The following RHOBTB1 variants were observed in gnomAD, a reference collection of about 807,000 sequenced individuals.
RHOBTB1 encodes the protein Rho related BTB domain containing 1, also known as rho-related BTB domain-containing protein 1.
RHOBTB1 carries 40 observed loss-of-function variants against 71.6 expected under a neutral mutation model. That is an observed-to-expected ratio of 0.56 (90% CI 0.43 to 0.73). The LOEUF (loss-of-function observed/expected upper bound fraction) is 0.73. RHOBTB1 is among the 30% of genes least tolerant of loss of function. The probability of loss-of-function intolerance (pLI) is 0.00; values close to 1 mark genes in which losing one functional copy is unlikely to be tolerated. For synonymous variants in RHOBTB1, 319 were observed against 334.9 expected (o/e 0.95, Z 0.52); for missense variants, 797 against 894.0 (o/e 0.89, Z 1.38).
intron 2 of RHOBTB1, among the ~76,000 whole-genome samples, chr10:60,976,069 A>C (rs1240642665): frequency 6.6e-6 from 1 of 152,044 alleles, no homozygotes; most frequent in Non-Finnish European, 1.5e-5. Context: ...TGATATATCC[A>C]ATTTAGAAGC....
chr10:60,861,857 G>A, the RHOBTB1 span, among the ~76,000 whole-genome samples: 3 of 152,142 alleles, frequency 2.0e-5, no homozygotes, highest in African/African-American at 7.2e-5. Flanking sequence ...AAGATCTAAT[G>A]GTCAATAAAA....
intron 2 of RHOBTB1, among the ~76,000 whole-genome samples, chr10:60,968,149 T>G (rs553516310): frequency 2.6e-5 from 4 of 152,202 alleles, no homozygotes; most frequent in African/African-American, 9.6e-5. Flanking sequence ...CCAATTCAAA[T>G]GTAGCTCCAT....
At chr10:60,957,499 G>C (rs971015516) in intron 2 of RHOBTB1, among the ~76,000 whole-genome samples, 1 of 152,082 alleles carries the variant, frequency 6.6e-6, no homozygotes, top group Non-Finnish European at 1.5e-5. Context: ...GTCTTCTGAG[G>C]GACTTAAATG....
intron 2 of RHOBTB1, among the ~76,000 whole-genome samples, chr10:60,912,336 C>T (rs553106073): frequency 1.7e-4 from 26 of 152,172 alleles, no homozygotes; most frequent in Admixed American, 5.2e-4. Flanking sequence ...TGGGTTCAAG[C>T]GATTCGCCTG....
intron 4 of RHOBTB1, among the ~76,000 whole-genome samples, chr10:60,903,374 A>G (rs2082501163): frequency 1.3e-5 from 2 of 152,178 alleles, no homozygotes; most frequent in African/African-American, 4.8e-5. Flanking sequence ...CCATGAGTCT[A>G]GTAACCAACC....
At chr10:60,889,500 G>A (rs1399917344) in intron 5 of RHOBTB1, among the ~76,000 whole-genome samples, 1 of 151,918 alleles carries the variant, frequency 6.6e-6, no homozygotes, top group African/African-American at 2.4e-5. Context: ...TCATTTCTTA[G>A]TTTATATAAA....
At chr10:60,960,668 G>A (rs2085747667) in intron 2 of RHOBTB1, among the ~76,000 whole-genome samples, 1 of 152,162 alleles carries the variant, frequency 6.6e-6, no homozygotes, top group African/African-American at 2.4e-5. Flanking sequence ...ATTTATGGGA[G>A]ATCATAATCC....
intron 2 of RHOBTB1, among the ~76,000 whole-genome samples, chr10:60,951,803 G>C (rs1466641599): frequency 6.6e-6 from 1 of 151,258 alleles, no homozygotes; most frequent in Non-Finnish European, 1.5e-5. Flanking sequence ...TGTTAATAAT[G>C]GTAAATGATT....
At chr10:60,886,719 G>GT (rs1396486870) in intron 6 of RHOBTB1, among the ~76,000 whole-genome samples, 27 of 140,494 alleles carry the variant, frequency 1.9e-4, no homozygotes, top group East Asian at 5.2e-4. Context: ...AAGAGATGTG[G>GT]GGGGGGGTGG....
At chr10:60,890,322 G>A (rs1174586303) in intron 5 of RHOBTB1, among the ~76,000 whole-genome samples, 1 of 151,960 alleles carries the variant, frequency 6.6e-6, no homozygotes, top group African/African-American at 2.4e-5. Flanking sequence ...TTAGTCCACA[G>A]TCCTCACTGC....
chr10:60,986,900 G>A (rs1460345477), intron 1 of RHOBTB1, among the ~76,000 whole-genome samples: 1 of 152,126 alleles, frequency 6.6e-6, no homozygotes. Context: ...AAAGACACAA[G>A]CAGCTTCCTT....
rs114352947 is a variant in RHOBTB1 at position 60,930,633 on chromosome 10, T to G, written c.-11+11171A>C. 2.0e-5 allele frequency among the ~76,000 whole-genome samples: 3 copies of G among 152,304 alleles called. 1 individual carries two copies. Among genetic ancestry groups the G allele is most frequent in the African/African-American group, 7.2e-5 (3 of 41,582 alleles). ...CTGATTCTTGGAAAGCTGTGAACCA[T>G]GTAGCTGCTTATGAATAGAGAGGCA... On this transcript the variant is annotated intron_variant, in intron 2 of 10. Coordinates refer to ENST00000337910, the MANE Select transcript of RHOBTB1 (RefSeq NM_014836.5).
At chr10:60,904,957 A>G (rs984641396) in intron 4 of RHOBTB1, among the ~76,000 whole-genome samples, 3 of 152,168 alleles carry the variant, frequency 2.0e-5, no homozygotes, top group Non-Finnish European at 4.4e-5. Context: ...GGTACCATAT[A>G]TTTAAAAGTG....
At chr10:60,924,985 A>G (rs982467352) in intron 2 of RHOBTB1, among the ~76,000 whole-genome samples, 1 of 152,222 alleles carries the variant, frequency 6.6e-6, no homozygotes, top group Non-Finnish European at 1.5e-5. Context: ...TGACGGGGAT[A>G]GATCACTCAT....
intron 2 of RHOBTB1, among the ~76,000 whole-genome samples, chr10:60,912,472 A>G (rs779003470): frequency 5.9e-5 from 9 of 152,020 alleles, no homozygotes; most frequent in Non-Finnish European, 1.0e-4. Context: ...ATCTCAAGTG[A>G]TCTCCCCACC....
At chr10:60,917,304 C>T (rs2083317380) in intron 2 of RHOBTB1, among the ~76,000 whole-genome samples, 1 of 152,124 alleles carries the variant, frequency 6.6e-6, no homozygotes, top group South Asian at 2.1e-4. Context: ...TTCTTTAAAA[C>T]CTTATTCAGA....
In RHOBTB1 at chr10:60,973,460, G is replaced by A. The variant is rs57689486; in HGVS notation, c.-62+12385C>T. On this transcript the variant is annotated intron_variant, in intron 2 of 11. Transcript: ENST00000357917. ...CTTAACAGCCTTCTTTTTTGTTGTT[G>A]TTTTTAATTAGCACTTCATTTCTGA... is the stretch of plus-strand genomic sequence containing the variant. Among the ~76,000 whole-genome samples the A allele has an allele frequency of 6.3e-4, 96 of 152,034 alleles. 1 individual carries two copies. In the East Asian group the frequency reaches 0.016, roughly 25 times the overall value.
At chr10:60,885,908 A>C (rs868669999) in intron 7 of RHOBTB1, among the ~76,000 whole-genome samples, 2 of 152,128 alleles carry the variant, frequency 1.3e-5, no homozygotes, top group South Asian at 2.1e-4. Flanking sequence ...GCTCCTCAAA[A>C]CTGCAGATCT....
chr10:60,918,861 C>G (rs1262444027), intron 2 of RHOBTB1, among the ~76,000 whole-genome samples: 1 of 151,970 alleles, frequency 6.6e-6, no homozygotes, highest in Admixed American at 6.6e-5. Flanking sequence ...ATTCTCCTGA[C>G]TCAGCCTCCC....
Sources: gnomAD v4.1 joint callset for allele counts (sites outside exome capture counted in the v4.1 genomes callset) on GRCh38, gnomAD v4.1.1 for gene constraint, MANE v1.5 for transcripts, NCBI Gene and HGNC (gene_info 2026-07-23, HGNC 2026-07-21) for gene names.